The following TOM1L1 variants were observed in gnomAD, a reference collection of about 807,000 sequenced individuals.
TOM1L1 encodes target of myb1 like 1 membrane trafficking protein.
A neutral mutation model predicts 63.4 loss-of-function variants in TOM1L1; 64 were observed. That is an observed-to-expected ratio of 1.01 (90% CI 0.83 to 1.24). The LOEUF (loss-of-function observed/expected upper bound fraction) is 1.24, where lower values mean the gene tolerates loss of function less well. Among genes scored for constraint, TOM1L1 ranks in the 50% most tolerant of loss-of-function variants. The pLI, the probability that TOM1L1 is intolerant of heterozygous loss-of-function variation, is 0.00. For missense variants in TOM1L1, 536 were observed against 567.0 expected (o/e 0.95, Z 0.55); for synonymous variants, 166 against 194.4 (o/e 0.85, Z 1.22).
chr17:54,931,570 T>C (rs978565813), intron 8 of TOM1L1, among the ~76,000 whole-genome samples: 1 of 152,046 alleles, frequency 6.6e-6, no homozygotes, highest in Admixed American at 6.5e-5. Context: ...GAGGCTGAGG[T>C]GGGCGGATTA....
intron 7 of TOM1L1, among the ~76,000 whole-genome samples, chr17:54,920,157 G>A (rs917232121): frequency 1.3e-5 from 2 of 152,110 alleles, no homozygotes; most frequent in Admixed American, 1.3e-4. Context: ...CTGGTTGGCT[G>A]CCCCCTTATA....
intron 3 of TOM1L1, among the ~76,000 whole-genome samples, chr17:54,906,583 A>G (rs2048415061): frequency 1.3e-5 from 2 of 152,176 alleles, no homozygotes; most frequent in Non-Finnish European, 2.9e-5. Flanking sequence ...GCCTTACTTG[A>G]ACAGCTTTGT....
intron 12 of TOM1L1, among the ~76,000 whole-genome samples, chr17:54,947,770 G>C (rs1277169366): frequency 6.6e-6 from 1 of 152,072 alleles, no homozygotes; most frequent in Admixed American, 6.5e-5. Context: ...TCTTGTTGGA[G>C]ACCCCAGGGA....
chr17:54,903,544 G>C, intron 1 of TOM1L1, 164 bp from the exon 2 acceptor site: 1 of 655,698 alleles, frequency 1.5e-6, no homozygotes, highest in Non-Finnish European at 2.7e-6. Flanking sequence ...CTTGGGTTCT[G>C]ATTGATTCCT....
intron 10 of TOM1L1, 84 bp from the exon 11 acceptor site, chr17:54,938,838 CTT>C: frequency 1.7e-6 from 1 of 574,814 alleles, no homozygotes; most frequent in Non-Finnish European, 2.8e-6. Context: ...TTTCTTTTTT[CTT>C]TTTTTTTGTT....
At position 54,912,804 on chromosome 17, in the gene TOM1L1, A is replaced by G; in HGVS notation, c.361A>G (p.Asn121Asp). 6.2e-7 allele frequency: 1 copy of G among 1,603,838 alleles called. No homozygotes were observed. The highest frequency in any genetic ancestry group is 8.5e-7 in the Non-Finnish European group (1 of 1,177,086). ...LPLDIQNRIL[N>D]FIKTWSQGFP... ...ATTAGACATTCAGAATAGAATCTTG[A>G]ATTTCATTAAGGTAAGTCTGTTGTA... is the stretch of plus-strand genomic sequence containing the variant. The change falls in exon 4 of 16, where the codon AAT (asparagine) becomes GAT (aspartate). Residue 121 changes from asparagine to aspartate, a missense_variant. Asn to Asp is a conservative substitution (Grantham distance 23). Coordinates refer to ENST00000575882, the MANE Select transcript of TOM1L1 (RefSeq NM_005486.3).
chr17:54,904,229 G>A (rs538087227), intron 2 of TOM1L1, among the ~76,000 whole-genome samples: 1 of 152,240 alleles, frequency 6.6e-6, no homozygotes, highest in African/African-American at 2.4e-5. Flanking sequence ...AATTAGCCAG[G>A]CATGGTGGCG....
chr17:54,906,833 T>G, intron 3 of TOM1L1: 1 of 984,108 alleles, frequency 1.0e-6, no homozygotes, highest in Non-Finnish European at 1.2e-6. Flanking sequence ...CCCTGCCTGC[T>G]GCCTGAGAGT....
At chr17:54,909,799 C>G (rs540898436) in intron 3 of TOM1L1, among the ~76,000 whole-genome samples, 3 of 152,196 alleles carry the variant, frequency 2.0e-5, no homozygotes, top group Non-Finnish European at 2.9e-5. Context: ...TTCAATCCCA[C>G]CTCAGATTAT....
At chr17:54,925,738 TACTAAA>T in intron 7 of TOM1L1, among the ~76,000 whole-genome samples, 1 of 152,256 alleles carries the variant, frequency 6.6e-6, no homozygotes, top group South Asian at 2.1e-4. Flanking sequence ...ACCCCGTCTC[TACTAAA>T]AATACAAATA....
chr17:54,947,216 G>T (rs1204760384), intron 11 of TOM1L1, 45 bp from the exon 12 acceptor site: 1 of 1,593,966 alleles, frequency 6.3e-7, no homozygotes, highest in Non-Finnish European at 8.6e-7. Context: ...TTGCATTTGT[G>T]TTCTCACTGT....
At chr17:54,926,583 G>A (rs1389055959) in intron 7 of TOM1L1, among the ~76,000 whole-genome samples, 1 of 151,654 alleles carries the variant, frequency 6.6e-6, no homozygotes, top group Non-Finnish European at 1.5e-5. Context: ...CTAACTTACT[G>A]GAGAAATTTA....
At chr17:54,911,712 A>G (rs2048500138) in intron 3 of TOM1L1, among the ~76,000 whole-genome samples, 1 of 152,188 alleles carries the variant, frequency 6.6e-6, no homozygotes, top group Non-Finnish European at 1.5e-5. Context: ...TGCCTGAAAT[A>G]GTGCATTGCT....
At chr17:54,959,813 T>C (rs947513651) in intron 14 of TOM1L1, among the ~76,000 whole-genome samples, 3 of 152,016 alleles carry the variant, frequency 2.0e-5, no homozygotes, top group Non-Finnish European at 4.4e-5. Flanking sequence ...GATGGTATTT[T>C]GCCATGTTGT....
rs1010929596 is a variant in TOM1L1, at chr17:54,937,139, G to T, written c.946G>T (p.Asp316Tyr). Residue 316 changes from aspartate (D) to tyrosine (Y), a missense_variant, in exon 10 of 16, where the codon GAT becomes TAT. Transcript: ENST00000575882. Reference protein sequence around the residue: ...TTSEPSAPSQDLLDLSPSPRM... With the variant: ...TTSEPSAPSQYLLDLSPSPRM... ...CAGTGAGCCTTCTGCCCCATCTCAA[G>T]ATCTCCTCGACCTAAGTCCCAGTCC... 2 of 1,610,912 alleles carry T rather than the reference G, an allele frequency of 1.2e-6. No homozygotes were observed. The highest frequency in any genetic ancestry group is 2.7e-5 in the African/African-American group (2 of 74,242).
At chr17:54,922,302 CAA>C (rs1354553852) in intron 7 of TOM1L1, among the ~76,000 whole-genome samples, 2 of 149,442 alleles carry the variant, frequency 1.3e-5, no homozygotes, top group African/African-American at 4.9e-5. Flanking sequence ...AAAAAATAAA[CAA>C]AAAAAGAAAA....
intron 7 of TOM1L1, among the ~76,000 whole-genome samples, chr17:54,922,644 G>A (rs1404151585): frequency 6.6e-6 from 1 of 152,054 alleles, no homozygotes; most frequent in East Asian, 1.9e-4. Flanking sequence ...ATAAGGAAGA[G>A]AACATATATT....
At chr17:54,955,374 G>A (rs2049446998) in intron 14 of TOM1L1, among the ~76,000 whole-genome samples, 1 of 152,168 alleles carries the variant, frequency 6.6e-6, no homozygotes, top group Non-Finnish European at 1.5e-5. Context: ...CACACACACT[G>A]TTCATGTAAC....
Position 54,915,832 on chromosome 17 carries a change from T to A in TOM1L1, c.690T>A (p.Ser230=). Residue 230 remains serine (S), a synonymous_variant, in exon 7 of 16, where the codon TCT becomes TCA. Coordinates refer to ENST00000575882, the MANE Select transcript of TOM1L1 (RefSeq NM_005486.3). The part of the protein sequence containing the change: ...SAILMENTPG[S]ENHEDIELLQ... ...TATTGATGGAGAATACTCCTGGGTC[T>A]GAAAACCATGAAGACATAGAGCTTC... 1 of 1,613,872 alleles carries A rather than the reference T, an allele frequency of 6.2e-7. No individual in the cohort carries two copies.
Sources: gnomAD v4.1 joint callset for allele counts (sites outside exome capture counted in the v4.1 genomes callset) on GRCh38, gnomAD v4.1.1 for gene constraint, MANE v1.5 for transcripts, NCBI Gene and HGNC (gene_info 2026-07-23, HGNC 2026-07-21) for gene names.